MYL6: variants seen among roughly 807,000 people sequenced by gnomAD.
The protein encoded by MYL6 is myosin light polypeptide 6.
In MYL6, 20 loss-of-function variants were observed where a neutral mutation model predicts 20.3. The observed-to-expected ratio is 0.98, with a 90% CI of 0.69 to 1.43. The LOEUF (loss-of-function observed/expected upper bound fraction) is 1.43, where lower values mean the gene tolerates loss of function less well. MYL6 is among the 40% of genes most tolerant of loss of function. The pLI is 0.00. For missense variants in MYL6, 164 were observed against 191.0 expected (o/e 0.86, Z 0.83); for synonymous variants, 77 against 72.4 (o/e 1.06, Z -0.32).
chr12:56,160,978 G>T, intron 6 of MYL6: 2 of 566,078 alleles, frequency 3.5e-6, no homozygotes, highest in Admixed American at 3.1e-5. Context: ...CCTGGAGCAT[G>T]GGTAGCTGGC....
Position 56,159,639 on chromosome 12 carries a change from G to A in MYL6, c.84G>A (p.Leu28=). 6.2e-7 allele frequency: 1 copy of A among 1,614,146 alleles called. No individual in the cohort carries two copies. The highest frequency in any genetic ancestry group is 8.5e-7 in the Non-Finnish European group (1 of 1,180,008). The change falls in exon 3 of 7, where the codon CTG becomes CTA. Residue 28 remains leucine (L), a synonymous_variant. Coordinates refer to ENST00000550697, the MANE Select transcript of MYL6 (RefSeq NM_021019.5). ...LFDRTGDGKI[L]YSQCGDVMRA... ...ACCGAACAGGTGATGGCAAGATCCT[G>A]TACAGCCAGTGTGGGGATGTGATGA... is the stretch of plus-strand genomic sequence containing the variant.
At position 56,160,437 on chromosome 12, in the gene MYL6, T is replaced by G. The variant is rs1871685731; in HGVS notation, c.427+117T>G. 6.0e-6 allele frequency: 9 copies of G among 1,489,312 alleles called. No individual in the cohort carries two copies. In the Admixed American group the frequency reaches 1.6e-4, roughly 26 times the overall value. 92.3% of individuals were successfully genotyped at this position (1,489,312 alleles called of 1,614,324 possible). ...CTCCAAAAAGAGCCAGGAGGCAAGG[T>G]GCAGGGCCCTGCCCAGCCCAGCCCA... On this transcript the variant is annotated intron_variant, in intron 5 of 6. Coordinates refer to ENST00000550697, the MANE Select transcript of MYL6 (RefSeq NM_021019.5).
At position 56,160,052 on chromosome 12, in the gene MYL6, A is replaced by C. The variant is rs149738823; in HGVS notation, c.253A>C (p.Thr85Pro). The stretch of plus-strand genomic sequence containing the variant: ...AGTGGCCAAGAACAAGGACCAGGGC[A>C]CCTATGAGGATTATGTCGAAGGACT... The part of the protein sequence containing the change: ...QTVAKNKDQG[T>P]YEDYVEGLRV... Residue 85 changes from threonine (T) to proline (P), a missense_variant, in exon 4 of 7, where the codon ACC (threonine) becomes CCC (proline). Transcript: ENST00000550697. 1.1e-4 allele frequency: 179 copies of C among 1,614,038 alleles called. 1 individual carries two copies. Among genetic ancestry groups the C allele is most frequent in the Middle Eastern group, 3.3e-4 (2 of 6,084 alleles).
intron 2 of MYL6, chr12:56,159,315 T>G: frequency 2.4e-6 from 1 of 424,162 alleles, no homozygotes; most frequent in Non-Finnish European, 4.2e-6. Flanking sequence ...CTGAGAAGTG[T>G]AGTAGCAGCA....
At chr12:56,160,699 T>C (rs1871743717) in intron 6 of MYL6, 29 bp downstream of exon 6, 1 of 1,611,724 alleles carries the variant, frequency 6.2e-7, no homozygotes, top group Non-Finnish European at 8.5e-7. Flanking sequence ...TCTCCTCTAG[T>C]TGATCTCCCC....
chr12:56,159,399 A>C, intron 2 of MYL6, 188 bp from the exon 3 acceptor site: 1 of 691,376 alleles, frequency 1.4e-6, no homozygotes, highest in Non-Finnish European at 2.2e-6. Context: ...GAAGGGGAGG[A>C]AGCCTCTATA....
At chr12:56,158,763 TCCCC>T in intron 2 of MYL6, 52 bp downstream of exon 2, 2 of 1,608,520 alleles carry the variant, frequency 1.2e-6, no homozygotes, top group Non-Finnish European at 1.7e-6. Context: ...AGGGACACCC[TCCCC>T]CCAGCACCTA....
intron 6 of MYL6, 68 bp from the exon 7 acceptor site, chr12:56,161,319 T>G: frequency 1.3e-6 from 2 of 1,584,634 alleles, no homozygotes; most frequent in Non-Finnish European, 1.7e-6. Flanking sequence ...AGTCTGGTAG[T>G]CCCCTGGCCC....
Position 56,160,480 on chromosome 12 carries a change from C to T in MYL6, c.428-146C>T, listed in dbSNP as rs567463846. The T allele has an allele frequency of 2.1e-5, 30 of 1,406,216 alleles. 1 individual carries two copies. Among genetic ancestry groups the T allele is most frequent in the African/African-American group, 8.5e-5 (6 of 70,686 alleles). The allele number at this position is 1,406,216 out of a possible 1,614,324, so 87.1% of individuals were successfully genotyped here. A position where few individuals can be genotyped will look rare whatever the true frequency, so the allele number is the denominator to read the frequency against. ...CCAGCCCAGGAGTGGGAGGTCAGGG[C>T]GGTATAACAGGAAAGGAAGGGGGTA... On this transcript the variant is annotated intron_variant, in intron 5 of 6. Transcript: ENST00000550697.
In MYL6 at chr12:56,160,642, C is replaced by T. The variant is rs1871727714; in HGVS notation, c.444C>T (p.Ile148=). Residue 148 remains isoleucine (I), a synonymous_variant, in exon 6 of 7, where the codon ATC becomes ATT. Transcript: ENST00000550697. ...TTCCTGCAGCGTTTGTGAGGCATAT[C>T]CTGTCGGGGTGACGGGCCCATGGGG... ...CINYEAFVRH[I]LSG 1 of 1,614,184 alleles carries T rather than the reference C, an allele frequency of 6.2e-7. No individual in the cohort carries two copies. Among genetic ancestry groups the T allele is most frequent in the East Asian group, 2.2e-5 (1 of 44,890 alleles).
intron 6 of MYL6, 141 bp downstream of exon 6, chr12:56,160,811 G>A: frequency 2.1e-6 from 2 of 938,670 alleles, no homozygotes; most frequent in East Asian, 2.4e-5. Flanking sequence ...TGACTAGGGA[G>A]GGGAGGGATT....
rs754213223 is a variant in MYL6 at position 56,158,374 on chromosome 12, A to AAAG, written c.-27_-25dup. 2.4e-5 allele frequency: 37 copies of AAAG among 1,517,688 alleles called. No homozygotes were observed. Among genetic ancestry groups the AAAG allele is most frequent in the East Asian group, 2.0e-4 (9 of 44,088 alleles). 94.0% of individuals were successfully genotyped at this position (1,517,688 alleles called of 1,614,324 possible). ...GAGAGTCGGAGCCATTACTGCAGGA[A>AAAG]AAGGTCCCGGAGAGCTGAGCAGTCA... is the stretch of plus-strand genomic sequence containing the variant. On this transcript the variant is annotated 5_prime_UTR_variant, in exon 1 of 7. Transcript: ENST00000550697.
At position 56,160,651 on chromosome 12, in the gene MYL6, G is replaced by T. The variant is rs146606390; in HGVS notation, c.453G>T (p.Gly151=). ...CGTTTGTGAGGCATATCCTGTCGGG[G>T]TGACGGGCCCATGGGGCGGGTACGG... The part of the protein sequence containing the change: ...YEAFVRHILS[G] The change falls in exon 6 of 7, where the codon GGG becomes GGT. Residue 151 remains glycine (G), a synonymous_variant. Transcript: ENST00000550697. The T allele has an allele frequency of 6.8e-6, 11 of 1,614,166 alleles. No individual in the cohort carries two copies. The African/African-American group carries it at 9.3e-5, about 14-fold the overall frequency.
chr12:56,159,902 G>A, intron 3 of MYL6, 73 bp from the exon 4 acceptor site: 1 of 1,542,210 alleles, frequency 6.5e-7, no homozygotes, highest in East Asian at 2.3e-5. Context: ...GTTCAGTTGA[G>A]GTCTCTATAA....
chr12:56,160,020 T>C lies in MYL6; in HGVS notation c.221T>C (p.Leu74Pro). The C allele has an allele frequency of 3.1e-6, 5 of 1,614,158 alleles. No homozygotes were observed. The highest frequency in any genetic ancestry group is 4.2e-6 in the Non-Finnish European group (5 of 1,180,028). Reference protein sequence around the residue: ...VLDFEHFLPMLQTVAKNKDQG... With the variant: ...VLDFEHFLPMPQTVAKNKDQG... ...GACTTTGAGCACTTTCTGCCCATGC[T>C]GCAGACAGTGGCCAAGAACAAGGAC... The change falls in exon 4 of 7, where the codon CTG becomes CCG. Residue 74 changes from leucine (L) to proline (P), a missense_variant. Physicochemically the swap from Leu to Pro is moderately conservative, Grantham distance 98 (BLOSUM62 -3). Coordinates refer to ENST00000550697, the MANE Select transcript of MYL6 (RefSeq NM_021019.5).
chr12:56,161,186 G>A, intron 6 of MYL6: 1 of 640,458 alleles, frequency 1.6e-6, no homozygotes, highest in East Asian at 2.7e-5. Flanking sequence ...TTGGGTGGGG[G>A]ACTAACAGCT....
chr12:56,158,839 TCTCTTCTTCTGGATCCTCCA>T, intron 2 of MYL6, 128 bp downstream of exon 2: 1 of 1,522,260 alleles, frequency 6.6e-7, no homozygotes, highest in South Asian at 1.3e-5. Flanking sequence ...TGGATTATTT[TCTCTTCTTCTGGATCCTCCA>T]TTTTCTTTTC....
chr12:56,158,532 G>T, intron 1 of MYL6, 128 bp downstream of exon 1: 2 of 1,610,548 alleles, frequency 1.2e-6, no homozygotes, highest in East Asian at 4.5e-5. Flanking sequence ...TGGAGGTGGG[G>T]TTGGAAAGAC....
At position 56,161,558 on chromosome 12, in the gene MYL6, T is replaced by C; in HGVS notation, c.*188T>C. 1.9e-6 allele frequency: 2 copies of C among 1,056,970 alleles called. No individual in the cohort carries two copies. The highest frequency in any genetic ancestry group is 1.5e-6 in the Non-Finnish European group (1 of 685,036). 65.5% of individuals were successfully genotyped at this position (1,056,970 alleles called of 1,614,324 possible). A position where few individuals can be genotyped will look rare whatever the true frequency, so the allele number is the denominator to read the frequency against. ...ATGTTTGCCGTCAGCATTCACCAAATAAACTTGCTCTCTGGGCCCTCGGTT... is the reference window on the plus strand; with the variant it reads ...ATGTTTGCCGTCAGCATTCACCAAACAAACTTGCTCTCTGGGCCCTCGGTT... On this transcript the variant is annotated 3_prime_UTR_variant, in exon 7 of 7. Coordinates refer to ENST00000550697, the MANE Select transcript of MYL6 (RefSeq NM_021019.5).
Sources: allele counts gnomAD v4.1 joint callset, GRCh38; gene constraint gnomAD v4.1.1; transcripts MANE v1.5; gene names NCBI Gene and HGNC (gene_info 2026-07-23, HGNC 2026-07-21).